LMNTD1: variants seen among roughly 807,000 people sequenced by gnomAD.
LMNTD1 encodes the protein lamin tail domain containing 1.
In LMNTD1, 35 loss-of-function variants were observed where a neutral mutation model predicts 50.9. That is an observed-to-expected ratio of 0.69 (90% CI 0.53 to 0.91). The LOEUF (loss-of-function observed/expected upper bound fraction) is 0.91. Ranked by LOEUF, LMNTD1 falls within the 40% of genes least tolerant of loss-of-function variation. The probability of loss-of-function intolerance (pLI) is 0.00; values close to 1 mark genes in which losing one functional copy is unlikely to be tolerated. For synonymous variants in LMNTD1, 153 were observed against 161.9 expected (o/e 0.94, Z 0.42); for missense variants, 470 against 475.5 (o/e 0.99, Z 0.11).
At chr12:25,522,437 T>C (rs961663114) in intron 6 of LMNTD1, among the ~76,000 whole-genome samples, 1 of 152,202 alleles carries the variant, frequency 6.6e-6, no homozygotes, top group Non-Finnish European at 1.5e-5. Context: ...GTCGGCCACA[T>C]GAAACTTACA....
intron 6 of LMNTD1, among the ~76,000 whole-genome samples, chr12:25,524,784 G>A (rs1272296645): frequency 6.6e-6 from 1 of 152,142 alleles, no homozygotes; most frequent in African/African-American, 2.4e-5. Flanking sequence ...CTTAGATTGT[G>A]TAGCCTTATT....
intron 9 of LMNTD1, among the ~76,000 whole-genome samples, chr12:25,482,319 A>G (rs1162605578): frequency 6.6e-6 from 1 of 151,946 alleles, no homozygotes; most frequent in African/African-American, 2.4e-5. Flanking sequence ...ATCAGCTTTA[A>G]TTTTACATCC....
At chr12:25,615,460 A>AT (rs1169735554) in intron 1 of LMNTD1, among the ~76,000 whole-genome samples, 31 of 148,266 alleles carry the variant, frequency 2.1e-4, no homozygotes, top group East Asian at 1.4e-3. Context: ...TAATTTTTTA[A>AT]TTTTTTTTTT....
intron 4 of LMNTD1, among the ~76,000 whole-genome samples, chr12:25,542,578 G>A (rs1205748179): frequency 8.2e-6 from 1 of 122,234 alleles, no homozygotes; most frequent in Admixed American, 9.0e-5. Context: ...TTGTGGGGTG[G>A]GGGGAGGGGG....
chr12:25,549,523 T>C lies in LMNTD1; in HGVS notation c.113A>G (p.Tyr38Cys), dbSNP rs765429998. The change falls in exon 3 of 10, where the codon TAT (tyrosine) becomes TGT (cysteine). Residue 38 changes from tyrosine to cysteine, a missense_variant. Physicochemically the swap from Tyr to Cys is radical, Grantham distance 194. Transcript: ENST00000458174. The part of the protein sequence containing the change: ...QKQREDKLGV[Y>C]SLVHFSPKML... ...CTTTGGGGAAAAATGTACTAAAGAA[T>C]ATACTCCAAGTTTGTCTTCTCTTCT... is the stretch of plus-strand genomic sequence containing the variant. The C allele has an allele frequency of 1.9e-6, 3 of 1,608,918 alleles. No individual in the cohort carries two copies. The South Asian group carries it at 3.3e-5, about 18-fold the overall frequency.
chr12:25,506,319 A>G (rs2135959748), intron 8 of LMNTD1, among the ~76,000 whole-genome samples: 1 of 152,378 alleles, frequency 6.6e-6, no homozygotes, highest in African/African-American at 2.4e-5. Context: ...ACATTTACAT[A>G]GAAGACAGTA....
chr12:25,528,967 A>C (rs1449993173), intron 4 of LMNTD1, among the ~76,000 whole-genome samples: 1 of 152,048 alleles, frequency 6.6e-6, no homozygotes, highest in Non-Finnish European at 1.5e-5. Flanking sequence ...GGAAAAGGCT[A>C]TGTCACTAAT....
intron 8 of LMNTD1, among the ~76,000 whole-genome samples, chr12:25,511,417 A>G (rs1212471854): frequency 6.6e-6 from 1 of 152,142 alleles, no homozygotes; most frequent in Non-Finnish European, 1.5e-5. Context: ...AATCAGTGGA[A>G]TGACAGACTT....
At chr12:25,559,643 CT>C (rs1944203375) in intron 1 of LMNTD1, among the ~76,000 whole-genome samples, 1 of 152,216 alleles carries the variant, frequency 6.6e-6, no homozygotes, top group Non-Finnish European at 1.5e-5. Flanking sequence ...AATGGTTGAA[CT>C]AGTTTACAGT....
rs147638547 is a variant in LMNTD1, at chr12:25,518,764, C to T, written c.1189+31G>A. 42 of 1,607,790 alleles carry T rather than the reference C, an allele frequency of 2.6e-5. No individual in the cohort carries two copies. In the African/African-American group the frequency reaches 4.7e-4, roughly 18 times the overall value. ...ACATGTGCATGCACACACACGCACT[C>T]TCCACTGGAACAAGCACTCTTTTAA... On this transcript the variant is annotated intron_variant, in intron 8 of 9. Coordinates refer to ENST00000458174, the MANE Select transcript of LMNTD1 (RefSeq NM_001145728.2).
intron 1 of LMNTD1, among the ~76,000 whole-genome samples, chr12:25,646,231 T>C (rs1011118848): frequency 6.6e-6 from 1 of 151,992 alleles, no homozygotes; most frequent in Non-Finnish European, 1.5e-5. Flanking sequence ...AGGCCTGTTG[T>C]TCATTGACAG....
At chr12:25,539,431 C>T (rs1389559745) in intron 4 of LMNTD1, among the ~76,000 whole-genome samples, 7 of 150,700 alleles carry the variant, frequency 4.6e-5, no homozygotes, top group African/African-American at 9.7e-5. Flanking sequence ...CACTCAAAAC[C>T]GCTCAACTAC....
intron 9 of LMNTD1, among the ~76,000 whole-genome samples, chr12:25,480,679 C>T (rs953108475): frequency 6.6e-6 from 1 of 152,194 alleles, no homozygotes; most frequent in African/African-American, 2.4e-5. Context: ...TTTTTCTCTG[C>T]TAAGTTTATT....
chr12:25,508,987 G>A (rs2135973191), intron 8 of LMNTD1, among the ~76,000 whole-genome samples: 1 of 152,096 alleles, frequency 6.6e-6, no homozygotes, highest in South Asian at 2.1e-4. Context: ...AACCAGCCTT[G>A]CATTCCTGAA....
At chr12:25,502,010 A>G (rs1250169712) in intron 9 of LMNTD1, among the ~76,000 whole-genome samples, 1 of 152,222 alleles carries the variant, frequency 6.6e-6, no homozygotes, top group Non-Finnish European at 1.5e-5. Flanking sequence ...TAGGAGGCCC[A>G]GAACTTTTCA....
rs148108961 is a variant in LMNTD1 at position 25,514,481 on chromosome 12, G to A, written c.1189+4314C>T. ...ACAATTGAACTCATGGACATACAGAGTAGAAGGATGGTTGCCAGAGGCTGG... is the reference window on the plus strand; with the variant it reads ...ACAATTGAACTCATGGACATACAGAATAGAAGGATGGTTGCCAGAGGCTGG... On this transcript the variant is annotated intron_variant, in intron 8 of 9. Transcript: ENST00000458174. Among the ~76,000 whole-genome samples, 476 of 152,110 alleles carry A rather than the reference G, an allele frequency of 3.1e-3. 5 individuals carry two copies. The highest frequency in any genetic ancestry group is 0.03 in the East Asian group (154 of 5,172).
At chr12:25,590,166 C>T (rs758492072) in intron 1 of LMNTD1, among the ~76,000 whole-genome samples, 27 of 152,136 alleles carry the variant, frequency 1.8e-4, no homozygotes, top group Non-Finnish European at 3.2e-4. Flanking sequence ...GTAGGATAAA[C>T]AGTCTTTAGT....
chr12:25,512,677 C>T (rs1774300580), intron 8 of LMNTD1, among the ~76,000 whole-genome samples: 1 of 151,970 alleles, frequency 6.6e-6, no homozygotes, highest in South Asian at 2.1e-4. Flanking sequence ...GGGGAGGATA[C>T]CTTACCAGGC....
chr12:25,546,417 AT>A lies in LMNTD1; in HGVS notation c.447del (p.Lys149AsnfsTer5). The A allele has an allele frequency of 6.3e-7, 1 of 1,595,314 alleles. No homozygotes were observed. The highest frequency in any genetic ancestry group is 8.5e-7 in the Non-Finnish European group (1 of 1,170,404). ...AHSNYTQKTLKYFSMILEEVG... is the reference protein window; with the variant it reads ...AHSNYTQKTLXYFSMILEEVG... ...ACTTCTTCAAGAATCATAGAAAAGT[AT>A]TTTAAAGTTTTCTGAGTGTAGTTTG... On this transcript the variant is annotated frameshift_variant, in exon 4 of 10. Coordinates refer to ENST00000458174, the MANE Select transcript of LMNTD1 (RefSeq NM_001145728.2). LOFTEE classifies it high-confidence loss of function.
Sources: allele counts gnomAD v4.1 joint callset (sites outside exome capture counted in the v4.1 genomes callset), GRCh38; gene constraint gnomAD v4.1.1; transcripts MANE v1.5; gene names NCBI Gene and HGNC (gene_info 2026-07-23, HGNC 2026-07-21).